Variants in S100A8 observed in about 807,000 individuals in gnomAD.
S100A8 encodes protein S100-A8.
A neutral mutation model predicts 4.2 loss-of-function variants in S100A8; 1 was observed. The ratio of observed to expected loss-of-function variants is 0.24; its 90% CI spans 0.08 to 1.12. The LOEUF (loss-of-function observed/expected upper bound fraction) is 1.12, where lower values mean the gene tolerates loss of function less well. Among genes scored for constraint, S100A8 ranks in the 50% most tolerant of loss-of-function variants. The pLI, the probability that S100A8 is intolerant of heterozygous loss-of-function variation, is 0.53. For missense variants in S100A8, 96 were observed against 111.8 expected (o/e 0.86, Z 0.64); for synonymous variants, 41 against 44.7 (o/e 0.92, Z 0.33).
In S100A8 at chr1:153,390,090, C is replaced by A. The variant is rs1195522388; in HGVS notation, c.*13G>T. 2 of 1,607,398 alleles carry A rather than the reference C, an allele frequency of 1.2e-6. No homozygotes were observed. Among genetic ancestry groups the A allele is most frequent in the Non-Finnish European group, 8.5e-7 (1 of 1,176,294 alleles). On this transcript the variant is annotated 3_prime_UTR_variant, in exon 3 of 3. Coordinates refer to ENST00000368733, the MANE Select transcript of S100A8 (RefSeq NM_002964.5). ...CATGTCCAGGGGCCCAGCCTCTGGG[C>A]CCAGTAACTCAGCTACTCTTTGTGG... is the stretch of plus-strand genomic sequence containing the variant.
At chr1:153,404,197 G>T in the S100A8 span, among the ~76,000 whole-genome samples, 2 of 152,196 alleles carry the variant, frequency 1.3e-5, no homozygotes, top group Non-Finnish European at 2.9e-5. Flanking sequence ...CACCCCACCT[G>T]CTCAGCAGCC....
Position 153,390,143 on chromosome 1 carries a change from G to T in S100A8, c.242C>A (p.Ala81Glu). The change falls in exon 3 of 3, where the codon GCA becomes GAA. Residue 81 changes from alanine (A) to glutamate (E), a missense_variant. By Grantham distance (107) the Ala-to-Glu change is moderately radical (BLOSUM62 -1). Coordinates refer to ENST00000368733, the MANE Select transcript of S100A8 (RefSeq NM_002964.5). The part of the protein sequence containing the change: ...FLILVIKMGV[A>E]AHKKSHEESH... ...TTCTTCATGGCTTTTTTTGTGGGCT[G>T]CCACGCCCATCTTTATCACCAGAAT... is the stretch of plus-strand genomic sequence containing the variant. The T allele has an allele frequency of 1.2e-6, 2 of 1,613,814 alleles. No individual in the cohort carries two copies. Among genetic ancestry groups the T allele is most frequent in the Non-Finnish European group, 1.7e-6 (2 of 1,179,870 alleles).
At chr1:153,419,645 C>G in the S100A8 span, 5 of 316,312 alleles carry the variant, frequency 1.6e-5, no homozygotes, top group Non-Finnish European at 2.9e-5. Flanking sequence ...CAGCAATGCT[C>G]TCCTTGTCAA....
chr1:153,392,196 C>T (rs2101610165), upstream of S100A8, among the ~76,000 whole-genome samples: 3 of 152,286 alleles, frequency 2.0e-5, no homozygotes, highest in South Asian at 6.2e-4. Context: ...CTCAAATAGA[C>T]ACTTCTCCGA....
At chr1:153,410,358 G>A in the S100A8 span, among the ~76,000 whole-genome samples, 1 of 152,204 alleles carries the variant, frequency 6.6e-6, no homozygotes, top group Admixed American at 6.5e-5. Flanking sequence ...ACACTTCTAT[G>A]CAAATAAGCT....
At chr1:153,398,438 T>A in the S100A8 span, among the ~76,000 whole-genome samples, 27 of 152,144 alleles carry the variant, frequency 1.8e-4, no homozygotes, top group Non-Finnish European at 2.5e-4. Flanking sequence ...CGGGCATGGA[T>A]CCCACCTCTC....
At chr1:153,418,997 T>C in the S100A8 span, 1 of 803,210 alleles carries the variant, frequency 1.2e-6, no homozygotes, top group Non-Finnish European at 2.0e-6. Flanking sequence ...CACCCCAACT[T>C]CACCCACTCA....
chr1:153,414,997 C>G, the S100A8 span, among the ~76,000 whole-genome samples: 2 of 152,300 alleles, frequency 1.3e-5, no homozygotes, highest in South Asian at 2.1e-4. Context: ...GCATGATGTA[C>G]CTCCCACTTA....
chr1:153,394,317 C>G (rs1662168774), upstream of S100A8, among the ~76,000 whole-genome samples: 1 of 152,162 alleles, frequency 6.6e-6, no homozygotes, highest in African/African-American at 2.4e-5. Flanking sequence ...TACTCAATGC[C>G]TGTGGAGCCC....
the S100A8 span, among the ~76,000 whole-genome samples, chr1:153,406,436 C>T: frequency 7.9e-5 from 12 of 152,084 alleles, no homozygotes; most frequent in Non-Finnish European, 1.6e-4. Context: ...ACTCTACTCT[C>T]TCACCACCCA....
chr1:153,404,169 A>G, the S100A8 span, among the ~76,000 whole-genome samples: 1 of 152,222 alleles, frequency 6.6e-6, no homozygotes, highest in Non-Finnish European at 1.5e-5. Context: ...GGCCCACTCC[A>G]GGAGCCCACC....
At chr1:153,418,233 G>A in the S100A8 span, 6 of 1,613,634 alleles carry the variant, frequency 3.7e-6, no homozygotes, top group Non-Finnish European at 4.2e-6. Context: ...TGTGAGTTGG[G>A]GTCTAGCTTC....
rs1662077873 is a variant in S100A8, at chr1:153,390,840, AG to A, written c.-23+200del. The A allele has an allele frequency of 1.4e-5, 7 of 491,334 alleles. No homozygotes were observed. The South Asian group carries it at 2.3e-4, about 16-fold the overall frequency. The allele number at this position is 491,334 out of a possible 1,614,324, so 30.4% of individuals were successfully genotyped here. Reference sequence around the variant, plus strand: ...CTGCTCAAGAAAAGTCCAGCCTAGGAGACAATGTGCCCTTACCCACTGGAAG... The same window carrying A: ...CTGCTCAAGAAAAGTCCAGCCTAGGAACAATGTGCCCTTACCCACTGGAAG... On this transcript the variant is annotated intron_variant, in intron 1 of 2. Transcript: ENST00000368733.
chr1:153,392,234 T>C (rs1662116390), upstream of S100A8, among the ~76,000 whole-genome samples: 1 of 152,170 alleles, frequency 6.6e-6, no homozygotes, highest in Non-Finnish European at 1.5e-5. Context: ...TCAATAAGCA[T>C]ATGAAAATTA....
At chr1:153,394,933 G>C (rs529954514), upstream of S100A8, among the ~76,000 whole-genome samples, 1 of 152,122 alleles carries the variant, frequency 6.6e-6, no homozygotes, top group Non-Finnish European at 1.5e-5. Flanking sequence ...TCAGGACACC[G>C]GTTCCCAGAC....
chr1:153,394,608 G>A (rs1662173657), upstream of S100A8, among the ~76,000 whole-genome samples: 1 of 152,198 alleles, frequency 6.6e-6, no homozygotes, highest in Admixed American at 6.5e-5. Flanking sequence ...GAATGCAAAG[G>A]GGAATGGGGT....
chr1:153,417,547 G>A, the S100A8 span, among the ~76,000 whole-genome samples: 32 of 152,288 alleles, frequency 2.1e-4, no homozygotes, highest in Non-Finnish European at 2.2e-4. Flanking sequence ...GAGCCTGCAC[G>A]CACTGTGTCA....
At chr1:153,416,445 A>T in the S100A8 span, 8 of 330,736 alleles carry the variant, frequency 2.4e-5, no homozygotes, top group Non-Finnish European at 4.9e-5. Flanking sequence ...CAGATGACAG[A>T]GGTGGCCCCA....
upstream of S100A8, among the ~76,000 whole-genome samples, chr1:153,395,469 G>A (rs1044060449): frequency 4.6e-5 from 7 of 152,048 alleles, no homozygotes; most frequent in African/African-American, 1.7e-4. Flanking sequence ...CTGCGCCCAG[G>A]TCTGGACCTT....
Sources: gnomAD v4.1 joint callset for allele counts (sites outside exome capture counted in the v4.1 genomes callset) on GRCh38, gnomAD v4.1.1 for gene constraint, MANE v1.5 for transcripts, NCBI Gene and HGNC (gene_info 2026-07-23, HGNC 2026-07-21) for gene names.